ANO3: variants seen among roughly 807,000 people sequenced by gnomAD.
ANO3 encodes anoctamin-3.
ANO3 carries 99 observed loss-of-function variants against 144.8 expected under a neutral mutation model. That is an observed-to-expected ratio of 0.68 (90% CI 0.58 to 0.81). ANO3 has a LOEUF of 0.81. Ranked by LOEUF, ANO3 falls within the 30% of genes least tolerant of loss-of-function variation. The probability of loss-of-function intolerance (pLI) is 0.00; values close to 1 mark genes in which losing one functional copy is unlikely to be tolerated. For synonymous variants in ANO3, 414 were observed against 392.6 expected, an observed-to-expected ratio of 1.05 and a Z score of -0.64; for missense variants, 905 against 1,202.2, an observed-to-expected ratio of 0.75 and a Z score of 3.66.
At chr11:26,609,103 C>G (rs1047660707) in intron 17 of ANO3, among the ~76,000 whole-genome samples, 2 of 152,116 alleles carry the variant, frequency 1.3e-5, no homozygotes, top group African/African-American at 4.8e-5. Context: ...CCATGGGTTG[C>G]AATAGTTCCG....
intron 14 of ANO3, chr11:26,567,272 T>A: frequency 2.0e-6 from 1 of 493,434 alleles, no homozygotes. Flanking sequence ...AGCAATAAAA[T>A]CTGAGTACTG....
At chr11:26,426,284 T>A (rs1211331328) in intron 1 of ANO3, among the ~76,000 whole-genome samples, 1 of 152,142 alleles carries the variant, frequency 6.6e-6, no homozygotes, top group Non-Finnish European at 1.5e-5. Context: ...TGACTTTTTA[T>A]TTTGTCTGTA....
At chr11:26,475,553 T>C (rs948010856) in intron 4 of ANO3, among the ~76,000 whole-genome samples, 31 of 151,864 alleles carry the variant, frequency 2.0e-4, no homozygotes, top group African/African-American at 7.5e-4. Context: ...TTGAGAGAAA[T>C]ACAAACTGCA....
rs116828895 is a variant in ANO3, at chr11:26,294,012, G to A, written c.155-15633G>A. ...TGCACTTCAATGGAAGAGTCTCTCC[G>A]TGTTTGGTGGAAGAGTCCACAGGAA... On this transcript the variant is annotated intron_variant, in intron 1 of 27. Coordinates refer to the ANO3 transcript ENST00000672621. Among the ~76,000 whole-genome samples, 971 of 152,184 alleles carry A rather than the reference G, an allele frequency of 6.4e-3. 3 individuals are homozygous for A. Among genetic ancestry groups the A allele is most frequent in the African/African-American group, 0.022 (917 of 41,520 alleles).
rs548723055 is a variant in ANO3, at chr11:26,525,481, C to T, written c.693-154C>T. 9.0e-4 allele frequency among the ~76,000 whole-genome samples: 137 copies of T among 151,910 alleles called. 1 individual carries two copies. Among genetic ancestry groups the T allele is most frequent in the Non-Finnish European group, 5.3e-4 (36 of 67,916 alleles). ...TTAAAACAATGTAAGGTTGATATTC[C>T]TCATAGTATGCTGGGTTATTTCAAA... On this transcript the variant is annotated intron_variant, in intron 6 of 26. Transcript: ENST00000256737.
chr11:26,299,172 A>G (rs891884022), intron 1 of ANO3, among the ~76,000 whole-genome samples: 1 of 152,198 alleles, frequency 6.6e-6, no homozygotes, highest in African/African-American at 2.4e-5. Flanking sequence ...AAGAGGAATG[A>G]CAAAGGAGGC....
intron 20 of ANO3, among the ~76,000 whole-genome samples, chr11:26,635,587 C>G (rs1852931077): frequency 6.6e-6 from 1 of 152,088 alleles, no homozygotes. Context: ...GAGAAATGGG[C>G]CTCCAAATGC....
At chr11:26,354,140 C>G (rs796993162) in intron 1 of ANO3, among the ~76,000 whole-genome samples, 6 of 152,216 alleles carry the variant, frequency 3.9e-5, no homozygotes, top group African/African-American at 1.4e-4. Flanking sequence ...CAGATTGGTA[C>G]TAATTAGGAG....
chr11:26,503,522 G>A (rs1486958912), intron 4 of ANO3, among the ~76,000 whole-genome samples: 13 of 152,082 alleles, frequency 8.5e-5, no homozygotes, highest in Admixed American at 6.5e-4. Flanking sequence ...CTGAGTTCTT[G>A]CTACGTAATT....
intron 1 of ANO3, among the ~76,000 whole-genome samples, chr11:26,400,758 T>C (rs2133973897): frequency 6.6e-6 from 1 of 151,644 alleles, no homozygotes; most frequent in Middle Eastern, 3.5e-3. Context: ...GAAAATGGGA[T>C]TTCCATTAGT....
At chr11:26,274,730 C>A (rs560919706) in intron 1 of ANO3, among the ~76,000 whole-genome samples, 1 of 152,174 alleles carries the variant, frequency 6.6e-6, no homozygotes, top group Non-Finnish European at 1.5e-5. Flanking sequence ...GTTAGGACAT[C>A]CTTTTGCACT....
At chr11:26,651,102 T>A (rs1280157192) in intron 24 of ANO3, among the ~76,000 whole-genome samples, 1 of 152,184 alleles carries the variant, frequency 6.6e-6, no homozygotes, top group East Asian at 1.9e-4. Context: ...CAATTGTGAG[T>A]TTTTTCATGA....
rs61094091 is a variant in ANO3, at chr11:26,383,888, C to CTTTTTTTTTTT, written c.46+51584_46+51594dup. Among the ~76,000 whole-genome samples the CTTTTTTTTTTT allele has an allele frequency of 1.3e-4, 9 of 70,148 alleles. 3 individuals carry two copies. The highest frequency in any genetic ancestry group is 2.8e-4 in the African/African-American group (5 of 17,712). The allele number at this position is 70,148 out of a possible 152,430, so 46.0% of individuals were successfully genotyped here. ...CATTGTTCTTGTGCCATGCATTGTT[C>CTTTTTTTTTTT]TTTTTTTTTTTTTTTTTTTTTTTTT... On this transcript the variant is annotated intron_variant, in intron 1 of 26. Transcript: ENST00000256737.
intron 1 of ANO3, among the ~76,000 whole-genome samples, chr11:26,250,921 C>A (rs930322497): frequency 3.2e-4 from 49 of 152,286 alleles, no homozygotes; most frequent in African/African-American, 1.2e-3. Context: ...AGAACACATA[C>A]ATGAGCCTAT....
At chr11:26,504,478 A>T (rs1465835982) in intron 4 of ANO3, among the ~76,000 whole-genome samples, 1 of 152,194 alleles carries the variant, frequency 6.6e-6, no homozygotes, top group Admixed American at 6.6e-5. Flanking sequence ...CGTAAACTTT[A>T]TATCCTTGTA....
intron 1 of ANO3, among the ~76,000 whole-genome samples, chr11:26,245,293 CT>C (rs1168374840): frequency 2.0e-5 from 3 of 152,094 alleles, no homozygotes; most frequent in African/African-American, 7.2e-5. Context: ...CATTCTTCCC[CT>C]TTTGTAATTC....
intron 1 of ANO3, among the ~76,000 whole-genome samples, chr11:26,303,946 C>G (rs1448247748): frequency 2.0e-5 from 3 of 152,120 alleles, no homozygotes; most frequent in Non-Finnish European, 4.4e-5. Context: ...ATCTCTTGAC[C>G]TCGTGATCCA....
intron 1 of ANO3, among the ~76,000 whole-genome samples, chr11:26,423,979 G>GTT (rs371492248): frequency 1.4e-5 from 2 of 148,044 alleles, no homozygotes; most frequent in African/African-American, 5.0e-5. Context: ...GTTTAAAAAT[G>GTT]TTTTTTTTTT....
chr11:26,564,312 C>T (rs1240280645), intron 14 of ANO3, among the ~76,000 whole-genome samples: 1 of 151,390 alleles, frequency 6.6e-6, no homozygotes, highest in African/African-American at 2.4e-5. Context: ...TAAAACTTTT[C>T]CTACACACTG....
Sources: allele counts gnomAD v4.1 joint callset (sites outside exome capture counted in the v4.1 genomes callset), GRCh38; gene constraint gnomAD v4.1.1; transcripts MANE v1.5; gene names NCBI Gene and HGNC (gene_info 2026-07-23, HGNC 2026-07-21).